NKAIN2: variants seen among roughly 807,000 people sequenced by gnomAD.
NKAIN2 encodes the protein sodium/potassium-transporting ATPase subunit beta-1-interacting protein 2.
Under a neutral mutation model 32.6 loss-of-function variants are expected in NKAIN2, and 14 were observed. The ratio of observed to expected loss-of-function variants is 0.43; its 90% CI spans 0.28 to 0.67. The LOEUF is 0.67. Ranked by LOEUF, NKAIN2 falls within the 30% of genes least tolerant of loss-of-function variation. NKAIN2 has a pLI of 0.17. For synonymous variants in NKAIN2, 80 were observed against 87.2 expected (o/e 0.92, Z 0.46); for missense variants, 198 against 258.3 (o/e 0.77, Z 1.60).
intron 1 of NKAIN2, among the ~76,000 whole-genome samples, chr6:124,158,138 G>A (rs1369689251): frequency 3.3e-5 from 5 of 152,148 alleles, no homozygotes; most frequent in African/African-American, 1.2e-4. Flanking sequence ...CAGTTCAAAT[G>A]TCAAAGTGCC....
chr6:124,246,352 A>G (rs1203197088), intron 1 of NKAIN2, among the ~76,000 whole-genome samples: 1 of 151,982 alleles, frequency 6.6e-6, no homozygotes, highest in Non-Finnish European at 1.5e-5. Context: ...ATTCAGTATC[A>G]CCCAACTTGA....
chr6:124,249,691 A>C (rs1793603136), intron 1 of NKAIN2, among the ~76,000 whole-genome samples: 1 of 152,008 alleles, frequency 6.6e-6, no homozygotes, highest in Non-Finnish European at 1.5e-5. Context: ...GACCCATGGG[A>C]GTTTAGTGGA....
At chr6:124,160,122 C>T (rs934736960) in intron 1 of NKAIN2, among the ~76,000 whole-genome samples, 1 of 152,122 alleles carries the variant, frequency 6.6e-6, no homozygotes, top group Non-Finnish European at 1.5e-5. Context: ...AAGAGCTTTC[C>T]TTCCAGATAA....
chr6:123,984,259 CTGT>C (rs1272681496), intron 1 of NKAIN2, among the ~76,000 whole-genome samples: 1 of 152,038 alleles, frequency 6.6e-6, no homozygotes, highest in African/African-American at 2.4e-5. Context: ...ATTAAAATTG[CTGT>C]TGTTACTATT....
intron 1 of NKAIN2, among the ~76,000 whole-genome samples, chr6:123,866,925 T>A (rs919753296): frequency 6.6e-6 from 1 of 152,162 alleles, no homozygotes; most frequent in Non-Finnish European, 1.5e-5. Context: ...ACAGTCTCCC[T>A]TCCCTCATTC....
At chr6:124,721,486 G>A (rs1475921109) in intron 4 of NKAIN2, among the ~76,000 whole-genome samples, 2 of 151,990 alleles carry the variant, frequency 1.3e-5, no homozygotes, top group African/African-American at 2.4e-5. Flanking sequence ...GATGCAGAGT[G>A]TACACTGAAG....
At chr6:124,571,153 T>C (rs1216122307) in intron 3 of NKAIN2, among the ~76,000 whole-genome samples, 1 of 152,168 alleles carries the variant, frequency 6.6e-6, no homozygotes, top group African/African-American at 2.4e-5. Context: ...CGTACCGCCA[T>C]TGTATCTAGG....
chr6:124,748,864 A>AG (rs397804200), intron 4 of NKAIN2, among the ~76,000 whole-genome samples: 1 of 151,176 alleles, frequency 6.6e-6, no homozygotes, highest in Non-Finnish European at 1.5e-5. Flanking sequence ...AAAAAAAAAA[A>AG]GAAGTGTGCA....
intron 4 of NKAIN2, among the ~76,000 whole-genome samples, chr6:124,691,661 C>G (rs1176720311): frequency 1.3e-5 from 2 of 152,050 alleles, no homozygotes; most frequent in South Asian, 4.1e-4. Flanking sequence ...CTTTAAAAGT[C>G]TACTCTGGCC....
At chr6:124,526,103 C>T (rs1779302148) in intron 3 of NKAIN2, among the ~76,000 whole-genome samples, 1 of 152,036 alleles carries the variant, frequency 6.6e-6, no homozygotes, top group African/African-American at 2.4e-5. Flanking sequence ...CAATGGGAAT[C>T]TTCTAGATAG....
intron 1 of NKAIN2, among the ~76,000 whole-genome samples, chr6:124,216,460 C>T (rs1284363180): frequency 3.9e-5 from 6 of 152,216 alleles, no homozygotes; most frequent in Non-Finnish European, 7.3e-5. Flanking sequence ...TTGAGATACT[C>T]AACACGCATA....
chr6:124,272,094 G>A (rs1441428140), intron 1 of NKAIN2, among the ~76,000 whole-genome samples: 1 of 152,174 alleles, frequency 6.6e-6, no homozygotes, highest in Non-Finnish European at 1.5e-5. Context: ...GCCTGATAAT[G>A]CAGTATGAAG....
chr6:123,887,858 C>G (rs529402678), intron 1 of NKAIN2, among the ~76,000 whole-genome samples: 2 of 152,142 alleles, frequency 1.3e-5, no homozygotes, highest in East Asian at 3.9e-4. Context: ...TGATTAAGAC[C>G]ATGGGCTGGG....
intron 1 of NKAIN2, among the ~76,000 whole-genome samples, chr6:124,046,918 A>G (rs976846204): frequency 4.6e-5 from 7 of 152,132 alleles, no homozygotes; most frequent in Middle Eastern, 6.8e-3. Context: ...TTGGAATGAG[A>G]AAATGGTCTA....
intron 3 of NKAIN2, among the ~76,000 whole-genome samples, chr6:124,639,189 C>G (rs1395900849): frequency 1.3e-5 from 2 of 152,012 alleles, no homozygotes. Flanking sequence ...AAAAACTAAC[C>G]ATAGAACTAC....
chr6:123,877,282 A>G (rs1222253823), intron 1 of NKAIN2, among the ~76,000 whole-genome samples: 1 of 152,142 alleles, frequency 6.6e-6, no homozygotes, highest in East Asian at 1.9e-4. Context: ...TAAATTTGTC[A>G]CTTTTTCTTT....
At chr6:124,428,823 C>G (rs1016821215) in intron 3 of NKAIN2, among the ~76,000 whole-genome samples, 6 of 152,106 alleles carry the variant, frequency 3.9e-5, no homozygotes, top group Non-Finnish European at 8.8e-5. Flanking sequence ...ATGTGCATCT[C>G]TAAGTATGCA....
chr6:124,475,236 C>T (rs1225503289), intron 3 of NKAIN2, among the ~76,000 whole-genome samples: 18 of 152,082 alleles, frequency 1.2e-4, no homozygotes, highest in South Asian at 2.1e-4. Flanking sequence ...AGGGTGGCCT[C>T]GCCTTTATCT....
At chr6:124,807,011 G>C (rs1252807911) in intron 5 of NKAIN2, among the ~76,000 whole-genome samples, 1 of 151,914 alleles carries the variant, frequency 6.6e-6, no homozygotes, top group Non-Finnish European at 1.5e-5. Context: ...GACCTACAAA[G>C]AGACTTACAC....
Sources: allele counts gnomAD v4.1 joint callset (sites outside exome capture counted in the v4.1 genomes callset), GRCh38; gene constraint gnomAD v4.1.1; transcripts MANE v1.5; gene names NCBI Gene and HGNC (gene_info 2026-07-23, HGNC 2026-07-21).